Variants in THSD7A observed in about 807,000 individuals in gnomAD.
THSD7A encodes thrombospondin type 1 domain containing 7A.
Under a neutral mutation model 231.3 loss-of-function variants are expected in THSD7A, and 96 were observed. The observed-to-expected ratio is 0.41, with a 90% CI of 0.35 to 0.49. The LOEUF is 0.49. THSD7A is among the 20% of genes least tolerant of loss of function. The probability of loss-of-function intolerance (pLI) is 0.05; values close to 1 mark genes in which losing one functional copy is unlikely to be tolerated. For synonymous variants in THSD7A, 940 were observed against 743.3 expected, an observed-to-expected ratio of 1.26 and a Z score of -4.30; for missense variants, 2,290 against 2,070.2, an observed-to-expected ratio of 1.11 and a Z score of -2.06.
At position 11,634,093 on chromosome 7, in the gene THSD7A, T is replaced by C. The variant is rs1244791538; in HGVS notation, c.1022+2037A>G. 1.3e-5 allele frequency among the ~76,000 whole-genome samples: 2 copies of C among 152,134 alleles called. No individual in the cohort carries two copies. The highest frequency in any genetic ancestry group is 2.9e-5 in the Non-Finnish European group (2 of 68,014). ...AATATCTGATTTTTATCTCTTCTTC[T>C]CTAGGACTTTCTTGATCACACATGA... On this transcript the variant is annotated intron_variant, in intron 2 of 27. Coordinates refer to ENST00000423059, the MANE Select transcript of THSD7A (RefSeq NM_015204.3). The surrounding 1 kb of genome is among the most constrained non-coding windows in gnomAD (Gnocchi z 4.1).
chr7:11,714,342 T>C (rs1413738724), intron 1 of THSD7A, among the ~76,000 whole-genome samples: 3 of 151,254 alleles, frequency 2.0e-5, no homozygotes, highest in African/African-American at 7.3e-5. Flanking sequence ...GTGTTTTAAA[T>C]TTTAAAGTGT....
In THSD7A at chr7:11,414,840, C is replaced by G. The variant is rs11764544; in HGVS notation, c.3538-2040G>C. ...ATGTGTATTATATAAAGGTCTTGTT[C>G]GTTTCTGCAGTGCACTAGGAGAGGA... is the stretch of plus-strand genomic sequence containing the variant. On this transcript the variant is annotated intron_variant, in intron 17 of 27. Coordinates refer to ENST00000423059, the MANE Select transcript of THSD7A (RefSeq NM_015204.3). Among the ~76,000 whole-genome samples the G allele has an allele frequency of 5.3e-5, 8 of 152,222 alleles. No homozygotes were observed. The East Asian group carries it at 1.2e-3, about 22-fold the overall frequency.
At chr7:11,818,840 C>G (rs1006445778) in intron 1 of THSD7A, among the ~76,000 whole-genome samples, 1 of 151,306 alleles carries the variant, frequency 6.6e-6, no homozygotes, top group Non-Finnish European at 1.5e-5. Context: ...AGTGTAGGAC[C>G]ATCTACATTT....
chr7:11,376,710 G>T, intron 26 of THSD7A, 53 bp from the exon 27 acceptor site: 1 of 1,375,536 alleles, frequency 7.3e-7, no homozygotes, highest in Non-Finnish European at 1.0e-6. Context: ...TATACATGAG[G>T]CAGTCTTTAA....
At chr7:11,696,778 G>A (rs2128143407) in intron 1 of THSD7A, among the ~76,000 whole-genome samples, 1 of 151,536 alleles carries the variant, frequency 6.6e-6, no homozygotes, top group South Asian at 2.1e-4. Flanking sequence ...GTATCTTACA[G>A]GGCAGGGTTT....
At chr7:11,561,953 T>TATGCTACA (rs775879804) in intron 4 of THSD7A, among the ~76,000 whole-genome samples, 3 of 152,202 alleles carry the variant, frequency 2.0e-5, no homozygotes, top group Non-Finnish European at 4.4e-5. Flanking sequence ...ACTTACCCAC[T>TATGCTACA]ATGCTACACT....
At chr7:11,654,477 A>G (rs1405665931) in intron 1 of THSD7A, among the ~76,000 whole-genome samples, 2 of 151,964 alleles carry the variant, frequency 1.3e-5, no homozygotes, top group African/African-American at 4.8e-5. Flanking sequence ...AACTAGAAAA[A>G]TCTTCTTTTA....
chr7:11,553,608 T>A (rs1033439870), intron 4 of THSD7A, among the ~76,000 whole-genome samples: 2 of 152,078 alleles, frequency 1.3e-5, no homozygotes, highest in African/African-American at 4.8e-5. Context: ...TAAGAAGACT[T>A]CTTTTTGATT....
intron 9 of THSD7A, among the ~76,000 whole-genome samples, chr7:11,463,501 C>T (rs1785580472): frequency 6.6e-6 from 1 of 152,142 alleles, no homozygotes; most frequent in Non-Finnish European, 1.5e-5. Flanking sequence ...GGTTTGAAAT[C>T]TACTGTAATA....
intron 1 of THSD7A, among the ~76,000 whole-genome samples, chr7:11,659,974 A>C (rs973202083): frequency 1.3e-5 from 2 of 151,606 alleles, no homozygotes; most frequent in Non-Finnish European, 1.5e-5. Flanking sequence ...AATGATTAAG[A>C]ATCTATATTT....
chr7:11,439,902 AAC>A (rs1784749271), intron 13 of THSD7A, among the ~76,000 whole-genome samples: 1 of 152,102 alleles, frequency 6.6e-6, no homozygotes, highest in African/African-American at 2.4e-5. Context: ...TACATTAAGC[AAC>A]AGATTTTTCA....
intron 4 of THSD7A, among the ~76,000 whole-genome samples, chr7:11,579,495 G>T (rs1791063258): frequency 6.6e-6 from 1 of 152,162 alleles, no homozygotes; most frequent in Non-Finnish European, 1.5e-5. Context: ...AAAAAGCACG[G>T]ATACTATAGT....
intron 1 of THSD7A, among the ~76,000 whole-genome samples, chr7:11,773,147 G>A (rs1018017807): frequency 2.6e-5 from 4 of 152,140 alleles, no homozygotes; most frequent in African/African-American, 9.7e-5. Flanking sequence ...AACACTGAAA[G>A]ATGCTTCCTT....
At chr7:11,633,715 T>C (rs143666978) in intron 2 of THSD7A, among the ~76,000 whole-genome samples, 13 of 152,312 alleles carry the variant, frequency 8.5e-5, no homozygotes, top group Non-Finnish European at 1.6e-4. Flanking sequence ...TTCATTCTTA[T>C]TGATTTTGGT....
At chr7:11,657,734 G>C (rs1336028619) in intron 1 of THSD7A, among the ~76,000 whole-genome samples, 1 of 151,722 alleles carries the variant, frequency 6.6e-6, no homozygotes, top group African/African-American at 2.4e-5. Context: ...TCCTTTTGTA[G>C]TTCCCACTAT....
intron 6 of THSD7A, among the ~76,000 whole-genome samples, chr7:11,512,200 G>A (rs529841124): frequency 2.0e-5 from 3 of 152,264 alleles, no homozygotes; most frequent in Admixed American, 6.5e-5. Context: ...ATCATCACTG[G>A]CCATCAGAGA....
intron 16 of THSD7A, among the ~76,000 whole-genome samples, chr7:11,423,552 G>A (rs1283862731): frequency 6.6e-6 from 1 of 151,940 alleles, no homozygotes. Flanking sequence ...GTATTTTTTA[G>A]TAGAGATGGG....
At chr7:11,671,653 TA>T (rs1226586014) in intron 1 of THSD7A, among the ~76,000 whole-genome samples, 2 of 152,106 alleles carry the variant, frequency 1.3e-5, no homozygotes, top group South Asian at 2.1e-4. Flanking sequence ...GGTAGATAGC[TA>T]AAAAATATAA....
In THSD7A at chr7:11,533,670, C is replaced by T. The variant is rs534185087; in HGVS notation, c.1822+7749G>A. 6.6e-5 allele frequency among the ~76,000 whole-genome samples: 10 copies of T among 152,210 alleles called. No individual in the cohort carries two copies. In the South Asian group the frequency reaches 2.1e-3, roughly 32 times the overall value. ...AAACCAAATACCACAAGTTCTCACT[C>T]ATAAGTGGGAGGTGAACAATGAGAA... On this transcript the variant is annotated intron_variant, in intron 6 of 27. Coordinates refer to ENST00000423059, the MANE Select transcript of THSD7A (RefSeq NM_015204.3).
Sources: gnomAD v4.1 joint callset for allele counts (sites outside exome capture counted in the v4.1 genomes callset) on GRCh38, gnomAD v4.1.1 for gene constraint, Gnocchi (gnomAD v3.1) non-coding constraint, MANE v1.5 for transcripts, NCBI Gene and HGNC (gene_info 2026-07-23, HGNC 2026-07-21) for gene names.